ECT2L: variants seen among roughly 807,000 people sequenced by gnomAD.
ECT2L encodes the protein epithelial cell-transforming sequence 2 oncogene-like.
Under a neutral mutation model 122.8 loss-of-function variants are expected in ECT2L, and 126 were observed. That is an observed-to-expected ratio of 1.03 (90% CI 0.89 to 1.19). The LOEUF is 1.19. Ranked by LOEUF, ECT2L falls within the 50% of genes most tolerant of loss-of-function variation. The pLI is 0.00. For missense variants in ECT2L, 1,012 were observed against 1,064.1 expected (o/e 0.95, Z 0.68); for synonymous variants, 385 against 381.8 (o/e 1.01, Z -0.10).
Position 138,865,061 on chromosome 6 carries a change from AAGC to A in ECT2L, c.1358_1360del (p.Lys453_Leu454delinsIle). 1 of 1,614,074 alleles carries A rather than the reference AAGC, an allele frequency of 6.2e-7. No homozygotes were observed. Among genetic ancestry groups the A allele is most frequent in the South Asian group, 1.1e-5 (1 of 91,068 alleles). On this transcript the variant is annotated inframe_deletion, in exon 12 of 22. Transcript: ENST00000541398. ...CTCTTCCATCTACTTCTGCGAATCG[AAGC>A]TACAGACGTGGTCCAGCTTCACAGA...
chr6:138,804,900 C>T (rs988333249), intron 1 of ECT2L, among the ~76,000 whole-genome samples: 47 of 152,104 alleles, frequency 3.1e-4, no homozygotes, highest in African/African-American at 9.2e-4. Context: ...ATGAGTGTAA[C>T]GTTCAATGAA....
intron 4 of ECT2L, among the ~76,000 whole-genome samples, chr6:138,828,490 A>C (rs138386218): frequency 3.3e-5 from 5 of 152,238 alleles, no homozygotes; most frequent in African/African-American, 1.2e-4. Flanking sequence ...TTTCATAAGA[A>C]TACTTCAAAG....
chr6:138,854,482 G>A (rs915834958), intron 10 of ECT2L, among the ~76,000 whole-genome samples: 32 of 152,204 alleles, frequency 2.1e-4, no homozygotes, highest in Admixed American at 2.0e-3. Context: ...CATTCAATCC[G>A]AGAAAACACC....
At chr6:138,873,937 C>A (rs1778354794) in intron 13 of ECT2L, among the ~76,000 whole-genome samples, 1 of 123,698 alleles carries the variant, frequency 8.1e-6, no homozygotes, top group Non-Finnish European at 1.6e-5. Context: ...TCCATCTATC[C>A]ATCCACCTAC....
chr6:138,873,408 C>T (rs898145230), intron 13 of ECT2L, among the ~76,000 whole-genome samples: 4 of 152,186 alleles, frequency 2.6e-5, no homozygotes, highest in African/African-American at 4.8e-5. Flanking sequence ...ATTTTCCTTA[C>T]ATTAGGGTTT....
intron 9 of ECT2L, among the ~76,000 whole-genome samples, chr6:138,852,325 G>A (rs1260024779): frequency 1.3e-5 from 2 of 150,404 alleles, no homozygotes; most frequent in African/African-American, 2.5e-5. Flanking sequence ...AACCTCAACG[G>A]TTACTTTTTT....
In ECT2L at chr6:138,838,363, A is replaced by G. The variant is rs748878656; in HGVS notation, c.191A>G (p.Asp64Gly). The change falls in exon 5 of 22, where the codon GAC (aspartate) becomes GGC (glycine). Residue 64 changes from aspartate to glycine, a missense_variant. Transcript: ENST00000541398. ...CTKSQLRFVQ[D>G]WFSERMQVAK... ...CTCTTTCTTTTTAGGTTTGTCCAAG[A>G]CTGGTTTTCAGAAAGGATGCAAGTG... The G allele has an allele frequency of 1.2e-6, 2 of 1,602,004 alleles. No homozygotes were observed. Among genetic ancestry groups the G allele is most frequent in the African/African-American group, 2.7e-5 (2 of 73,992 alleles).
chr6:138,875,014 G>A (rs540566187), intron 13 of ECT2L, among the ~76,000 whole-genome samples: 2 of 152,330 alleles, frequency 1.3e-5, no homozygotes, highest in Non-Finnish European at 2.9e-5. Flanking sequence ...TTGAGCTTGG[G>A]AGGTCGAGGC....
At chr6:138,801,690 A>T (rs190948495) in intron 1 of ECT2L, among the ~76,000 whole-genome samples, 1 of 152,186 alleles carries the variant, frequency 6.6e-6, no homozygotes, top group African/African-American at 2.4e-5. Context: ...GGGAGGTGGA[A>T]GTTGCAGTGA....
chr6:138,842,726 C>T (rs1320466568), intron 5 of ECT2L, among the ~76,000 whole-genome samples: 2 of 152,062 alleles, frequency 1.3e-5, no homozygotes, highest in Admixed American at 6.6e-5. Context: ...GAGCCGAGCT[C>T]GTGCCACTGC....
chr6:138,886,832 C>T, intron 18 of ECT2L, 25 bp from the exon 19 acceptor site: 1 of 1,579,206 alleles, frequency 6.3e-7, no homozygotes, highest in Non-Finnish European at 8.7e-7. Context: ...TTTTAGTTTG[C>T]CTAAAAGTAC....
At chr6:138,858,873 T>A (rs1405655747) in intron 10 of ECT2L, among the ~76,000 whole-genome samples, 1 of 150,704 alleles carries the variant, frequency 6.6e-6, no homozygotes, top group Non-Finnish European at 1.5e-5. Context: ...GCTTGGCTAA[T>A]TTTTTTTTAT....
chr6:138,820,204 C>G (rs1472255921), intron 4 of ECT2L, among the ~76,000 whole-genome samples: 1 of 152,190 alleles, frequency 6.6e-6, no homozygotes, highest in Non-Finnish European at 1.5e-5. Flanking sequence ...ATCATGATCA[C>G]TGCCTCCCCT....
In ECT2L at chr6:138,843,135, C is replaced by T. The variant is rs374082032; in HGVS notation, c.499C>T (p.Leu167=). The change falls in exon 6 of 22, where the codon CTG becomes TTG. Residue 167 remains leucine (L), a synonymous_variant. Coordinates refer to ENST00000541398, the MANE Select transcript of ECT2L (RefSeq NM_001077706.3). ...PREAAATYGT[L]NEPKTEDEEL... ...GGAGGCTGCTGCTACTTATGGGACG[C>T]TGAATGAACCCAAAACAGAAGATGA... The T allele has an allele frequency of 5.4e-5, 87 of 1,614,010 alleles. No homozygotes were observed. The Middle Eastern group carries it at 8.2e-4, about 15-fold the overall frequency.
chr6:138,863,867 G>C (rs1295593612), intron 11 of ECT2L, among the ~76,000 whole-genome samples: 1 of 151,334 alleles, frequency 6.6e-6, no homozygotes, highest in Non-Finnish European at 1.5e-5. Context: ...GCCCGCCTCA[G>C]CCTCCCAGTG....
At chr6:138,875,545 C>T (rs1234246364) in intron 13 of ECT2L, among the ~76,000 whole-genome samples, 5 of 152,254 alleles carry the variant, frequency 3.3e-5, no homozygotes, top group African/African-American at 1.2e-4. Flanking sequence ...TAGGGTAGAC[C>T]CTGGGGTACT....
intron 1 of ECT2L, among the ~76,000 whole-genome samples, chr6:138,803,149 C>T (rs1420837219): frequency 1.3e-5 from 2 of 151,232 alleles, no homozygotes; most frequent in Non-Finnish European, 2.9e-5. Context: ...CCCAGCTACC[C>T]GGGAGGCTGA....
chr6:138,895,573 A>T (rs200012131), intron 20 of ECT2L, among the ~76,000 whole-genome samples: 17 of 146,172 alleles, frequency 1.2e-4, no homozygotes, highest in South Asian at 8.5e-4. Context: ...ATATATATAT[A>T]TATTTTTCTT....
chr6:138,800,386 T>C (rs1775501082), intron 1 of ECT2L, among the ~76,000 whole-genome samples: 2 of 152,206 alleles, frequency 1.3e-5, no homozygotes, highest in Non-Finnish European at 2.9e-5. Flanking sequence ...GAGAGTTTGG[T>C]TTTATACACT....
Sources: gnomAD v4.1 joint callset for allele counts (sites outside exome capture counted in the v4.1 genomes callset) on GRCh38, gnomAD v4.1.1 for gene constraint, MANE v1.5 for transcripts, NCBI Gene and HGNC (gene_info 2026-07-23, HGNC 2026-07-21) for gene names.